Variants in CIROP observed in about 807,000 individuals in gnomAD.
CIROP encodes leishmanolysin homolog.
At chr14:23,099,557 CTTT>C in the CIROP span, 2,926 of 304,802 alleles carry the variant, frequency 9.6e-3, no homozygotes, top group Middle Eastern at 0.016. Flanking sequence ...GCGGCATTAC[CTTT>C]TTTTTTTTTT....
the CIROP span, chr14:23,103,067 G>A: frequency 1.6e-5 from 8 of 512,326 alleles, no homozygotes; most frequent in African/African-American, 5.8e-5. Context: ...GATGGGCCAG[G>A]ACAGGGTAGG....
At chr14:23,100,670 T>C in the CIROP span, 3 of 399,098 alleles carry the variant, frequency 7.5e-6, no homozygotes, top group Non-Finnish European at 1.3e-5. Flanking sequence ...TGATGGGCCA[T>C]GGAAATAGCA....
At chr14:23,103,944 A>G in the CIROP span, 5 of 596,416 alleles carry the variant, frequency 8.4e-6, no homozygotes, top group Admixed American at 3.0e-5. Context: ...GCTAGAATAG[A>G]GTTCTGCCCC....
chr14:23,104,921 C>T, the CIROP span: 1 of 687,090 alleles, frequency 1.5e-6, no homozygotes, highest in East Asian at 2.7e-5. Context: ...GCAGCAGCAT[C>T]TCCCTTCTGT....
the CIROP span, chr14:23,099,759 A>C: frequency 1.1e-4 from 28 of 261,076 alleles, no homozygotes; most frequent in Non-Finnish European, 1.3e-4. Flanking sequence ...GATAGAGCTC[A>C]TGAAGCCCCG....
At chr14:23,103,050 G>T in the CIROP span, 1 of 541,918 alleles carries the variant, frequency 1.8e-6, no homozygotes, top group South Asian at 2.9e-5. Flanking sequence ...TATGACAGAG[G>T]GCTGTGGATG....
chr14:23,101,245 ACTT>A, the CIROP span: 6 of 449,924 alleles, frequency 1.3e-5, no homozygotes, highest in Non-Finnish European at 2.3e-5. Context: ...GTATTTCCCG[ACTT>A]CTTTTTGCCA....
the CIROP span, chr14:23,103,369 A>T: frequency 5.2e-6 from 2 of 381,704 alleles, no homozygotes; most frequent in Non-Finnish European, 9.3e-6. Flanking sequence ...GGGCAACATG[A>T]CAAAACCCCG....
the CIROP span, chr14:23,099,421 A>G: frequency 4.8e-6 from 2 of 413,526 alleles, no homozygotes; most frequent in Non-Finnish European, 8.8e-6. Context: ...GATTAGCAGC[A>G]TTAGGCAGAG....
chr14:23,104,195 C>T, the CIROP span: 1 of 614,384 alleles, frequency 1.6e-6, no homozygotes, highest in Non-Finnish European at 2.9e-6. Context: ...CGTATCCCCC[C>T]ACCACCCTTA....
At chr14:23,100,702 T>TTA in the CIROP span, 5 of 398,870 alleles carry the variant, frequency 1.3e-5, no homozygotes, top group African/African-American at 8.2e-5. Flanking sequence ...ATTTGAATCT[T>TTA]TTAATAGAGA....
chr14:23,099,811 G>A, the CIROP span: 1 of 202,378 alleles, frequency 4.9e-6, no homozygotes. Context: ...CATTAAGAGG[G>A]ACTATCGAAC....
chr14:23,100,715 T>C, the CIROP span: 3 of 398,860 alleles, frequency 7.5e-6, no homozygotes, highest in African/African-American at 4.1e-5. Flanking sequence ...AATAGAGATA[T>C]AGTTCCTGGC....
At chr14:23,104,500 C>T in the CIROP span, 790 of 702,976 alleles carry the variant, frequency 1.1e-3, 7 homozygotes, top group African/African-American at 0.011. Flanking sequence ...GTCAGTTTCT[C>T]CCATATCTTG....
At chr14:23,103,880 G>A in the CIROP span, 3 of 665,778 alleles carry the variant, frequency 4.5e-6, no homozygotes, top group Non-Finnish European at 8.3e-6. Context: ...TTGGGTATGA[G>A]GAGTAGGGGA....
chr14:23,100,568 A>G, the CIROP span: 13 of 406,580 alleles, frequency 3.2e-5, no homozygotes, highest in Non-Finnish European at 5.3e-5. Flanking sequence ...CTGGAGAGTC[A>G]GAGTCAGGGC....
chr14:23,099,281 A>G, the CIROP span: 2 of 413,506 alleles, frequency 4.8e-6, no homozygotes, highest in Non-Finnish European at 8.8e-6. Context: ...TCTGGGCAAC[A>G]TCACACCTCC....
chr14:23,104,133 CT>C, the CIROP span: 1 of 592,608 alleles, frequency 1.7e-6, no homozygotes, highest in Non-Finnish European at 3.0e-6. Context: ...CTTCCGTCCC[CT>C]TCTTCCCTGG....
At chr14:23,101,012 T>C in the CIROP span, 4 of 399,082 alleles carry the variant, frequency 1.0e-5, no homozygotes, top group Admixed American at 4.4e-5. Flanking sequence ...AGTAACAGCA[T>C]TGATATCTTC....
Sources: gnomAD v4.1 joint callset for allele counts on GRCh38, gnomAD v4.1.1 for gene constraint, MANE v1.5 for transcripts, NCBI Gene and HGNC (gene_info 2026-07-23, HGNC 2026-07-21) for gene names.